HECW1: variants seen among roughly 807,000 people sequenced by gnomAD.
HECW1 encodes HECT, C2 and WW domain containing E3 ubiquitin protein ligase 1.
In HECW1, 61 loss-of-function variants were observed where a neutral mutation model predicts 182.3. The ratio of observed to expected loss-of-function variants is 0.33; its 90% CI spans 0.27 to 0.41. HECW1 has a LOEUF of 0.41. Among genes scored for constraint, HECW1 ranks in the 10% least tolerant of loss-of-function variants. The probability of loss-of-function intolerance (pLI) is 1.00; values close to 1 mark genes in which losing one functional copy is unlikely to be tolerated. For synonymous variants in HECW1, 859 were observed against 832.6 expected (o/e 1.03, Z -0.55); for missense variants, 1,739 against 2,108.9 (o/e 0.82, Z 3.44).
At chr7:43,273,515 T>A (rs1360667460) in intron 3 of HECW1, among the ~76,000 whole-genome samples, 1 of 152,152 alleles carries the variant, frequency 6.6e-6, no homozygotes, top group South Asian at 2.1e-4. Context: ...TACAATTAGT[T>A]AACTACTTTG....
chr7:43,444,463 G>T lies in HECW1; in HGVS notation c.1291G>T (p.Val431Phe), dbSNP rs749435876. ...VITEAGDQGM[V>F]SVGPEGAGEL... The stretch of plus-strand genomic sequence containing the variant: ...CACGGAGGCAGGAGACCAGGGCATG[G>T]TCTCTGTGGGACCTGAAGGGGCTGG... Residue 431 changes from valine to phenylalanine, a missense_variant, in exon 11 of 30, where the codon GTC becomes TTC. Coordinates refer to ENST00000395891, the MANE Select transcript of HECW1 (RefSeq NM_015052.5). This position sits in a 1 kb window ranked among gnomAD's most constrained non-coding sequence, Gnocchi z 4.3. The T allele has an allele frequency of 1.9e-6, 3 of 1,613,530 alleles. No individual in the cohort carries two copies. Among genetic ancestry groups the T allele is most frequent in the African/African-American group, 1.3e-5 (1 of 75,048 alleles).
chr7:43,285,659 A>T (rs533878964), intron 3 of HECW1, among the ~76,000 whole-genome samples: 2 of 152,246 alleles, frequency 1.3e-5, no homozygotes, highest in South Asian at 2.1e-4. Flanking sequence ...AAAAATTTTT[A>T]AAAATAGCTG....
At chr7:43,168,315 GGT>G (rs1791338380) in intron 2 of HECW1, among the ~76,000 whole-genome samples, 2 of 152,084 alleles carry the variant, frequency 1.3e-5, no homozygotes, top group South Asian at 2.1e-4. Flanking sequence ...TACAGTATGT[GGT>G]GTGCAGGGAT....
At chr7:43,278,110 A>T (rs1584297080) in intron 3 of HECW1, among the ~76,000 whole-genome samples, 1 of 151,246 alleles carries the variant, frequency 6.6e-6, no homozygotes, top group Non-Finnish European at 1.5e-5. Context: ...CCCATTTCAG[A>T]CCCTGCCCCT....
chr7:43,359,668 C>G (rs1469845137), intron 5 of HECW1, among the ~76,000 whole-genome samples: 1 of 152,116 alleles, frequency 6.6e-6, no homozygotes, highest in Admixed American at 6.5e-5. Flanking sequence ...TTCATTTATA[C>G]TTATCTTCAT....
intron 16 of HECW1, among the ~76,000 whole-genome samples, chr7:43,472,867 A>G (rs1350006944): frequency 6.6e-6 from 1 of 152,184 alleles, no homozygotes; most frequent in African/African-American, 2.4e-5. Context: ...AAATCCACAG[A>G]CACAAAAACA....
chr7:43,210,336 G>T (rs190247348), intron 2 of HECW1, among the ~76,000 whole-genome samples: 1 of 152,246 alleles, frequency 6.6e-6, no homozygotes, highest in African/African-American at 2.4e-5. Flanking sequence ...CAGAGTATGA[G>T]GCCCTGGGTG....
chr7:43,415,030 T>C (rs2075941947), intron 8 of HECW1, among the ~76,000 whole-genome samples: 1 of 152,100 alleles, frequency 6.6e-6, no homozygotes, highest in Admixed American at 6.5e-5. Flanking sequence ...CCATTTACAT[T>C]TAAAGTTAAT....
intron 17 of HECW1, among the ~76,000 whole-genome samples, chr7:43,488,445 A>AAAGAAAG (rs2078778017): frequency 7.3e-6 from 1 of 136,466 alleles, no homozygotes; most frequent in African/African-American, 2.9e-5. Context: ...AGAAAGAAAG[A>AAAGAAAG]AAGAAAGAAA....
At chr7:43,440,645 A>AT (rs1438851390) in intron 9 of HECW1, 2 of 152,186 alleles carry the variant, frequency 1.3e-5, no homozygotes, top group African/African-American at 4.8e-5. Context: ...AATAAATGTA[A>AT]TTTTTGTGCC....
At chr7:43,269,262 A>G (rs1044957511) in intron 3 of HECW1, among the ~76,000 whole-genome samples, 4 of 152,246 alleles carry the variant, frequency 2.6e-5, no homozygotes, top group African/African-American at 9.6e-5. Flanking sequence ...GTTGTACTGA[A>G]TACAGCACAG....
At chr7:43,358,707 G>C (rs2152810655) in intron 5 of HECW1, among the ~76,000 whole-genome samples, 1 of 152,060 alleles carries the variant, frequency 6.6e-6, no homozygotes, top group South Asian at 2.1e-4. Context: ...ATGATGCTCA[G>C]TGCTAACAAG....
intron 3 of HECW1, among the ~76,000 whole-genome samples, chr7:43,271,529 T>A (rs1349160974): frequency 6.6e-6 from 1 of 152,184 alleles, no homozygotes; most frequent in Non-Finnish European, 1.5e-5. Context: ...ACAAAATCAA[T>A]GGACAAAAAT....
rs546612897 is a variant in HECW1 at position 43,275,033 on chromosome 7, A to T, written c.27+31101A>T. On this transcript the variant is annotated intron_variant, in intron 3 of 29. Coordinates refer to ENST00000395891, the MANE Select transcript of HECW1 (RefSeq NM_015052.5). ...GCAAGCAGTTTGGTGCTCAGCATCC[A>T]TGGTGTCACTGAGTTATCAGGGTCC... is the stretch of plus-strand genomic sequence containing the variant. 3.3e-5 allele frequency among the ~76,000 whole-genome samples: 5 copies of T among 152,320 alleles called. No individual in the cohort carries two copies. In the East Asian group the frequency reaches 9.6e-4, roughly 29 times the overall value.
chr7:43,177,522 C>G (rs900911077), intron 2 of HECW1, among the ~76,000 whole-genome samples: 2 of 152,182 alleles, frequency 1.3e-5, no homozygotes, highest in African/African-American at 2.4e-5. Flanking sequence ...GGGTTTGAGC[C>G]AGCATCCTTT....
At chr7:43,267,699 T>A (rs1300253679) in intron 3 of HECW1, among the ~76,000 whole-genome samples, 2 of 152,006 alleles carry the variant, frequency 1.3e-5, no homozygotes, top group African/African-American at 2.4e-5. Context: ...GCATAGCTAA[T>A]TAAGAGAAAA....
At chr7:43,421,659 C>A (rs1349792115) in intron 8 of HECW1, among the ~76,000 whole-genome samples, 1 of 152,170 alleles carries the variant, frequency 6.6e-6, no homozygotes, top group African/African-American at 2.4e-5. Context: ...CCAAATGCCA[C>A]TAAACCTATG....
intron 2 of HECW1, among the ~76,000 whole-genome samples, chr7:43,158,733 C>T (rs1790167458): frequency 6.6e-6 from 1 of 152,184 alleles, no homozygotes. Flanking sequence ...GCTACCTCTC[C>T]CTGGGTTCCA....
At chr7:43,539,334 G>T (rs2081285052) in intron 24 of HECW1, among the ~76,000 whole-genome samples, 1 of 152,156 alleles carries the variant, frequency 6.6e-6, no homozygotes, top group African/African-American at 2.4e-5. Context: ...TAGCAGAAAG[G>T]TTTACTGTCC....
Sources: allele counts gnomAD v4.1 joint callset (sites outside exome capture counted in the v4.1 genomes callset), GRCh38; gene constraint gnomAD v4.1.1; non-coding constraint Gnocchi (gnomAD v3.1); transcripts MANE v1.5; gene names NCBI Gene and HGNC (gene_info 2026-07-23, HGNC 2026-07-21).